Variants in PRLR observed in about 807,000 individuals in gnomAD.
PRLR encodes the protein hPRL receptor.
In PRLR, 13 loss-of-function variants were observed where a neutral mutation model predicts 40.2. The ratio of observed to expected loss-of-function variants is 0.32; its 90% CI spans 0.21 to 0.51. The LOEUF is 0.51. Ranked by LOEUF, PRLR falls within the 20% of genes least tolerant of loss-of-function variation. The pLI, the probability that PRLR is intolerant of heterozygous loss-of-function variation, is 0.97. For missense variants in PRLR, 656 were observed against 747.3 expected, an observed-to-expected ratio of 0.88 and a Z score of 1.42; for synonymous variants, 269 against 278.7, an observed-to-expected ratio of 0.97 and a Z score of 0.35.
At chr5:35,182,061 T>G (rs935683815) in intron 1 of PRLR, among the ~76,000 whole-genome samples, 3 of 152,166 alleles carry the variant, frequency 2.0e-5, no homozygotes, top group African/African-American at 4.8e-5. Context: ...CACGGTCTCA[T>G]GACAAACAAG....
At position 35,068,877 on chromosome 5, in the gene PRLR, G is replaced by A; in HGVS notation, c.687C>T (p.Asp229=). 1 of 1,607,480 alleles carries A rather than the reference G, an allele frequency of 6.2e-7. No individual in the cohort carries two copies. The highest frequency in any genetic ancestry group is 1.1e-5 in the South Asian group (1 of 90,886). Residue 229 remains aspartate (D), a splice_region_variant and synonymous_variant, in exon 8 of 10, where the codon GAC becomes GAT. Transcript: ENST00000618457. ...SPATFIQIPS[D]FTMNDTTVWI... is the part of the protein sequence containing the mutation. ...ACACGGTTGTATCATTCATGGTGAA[G>A]TCTAAAAAACAAACAGCCAGAAAGC...
chr5:35,169,612 C>G (rs1432742470), intron 1 of PRLR, among the ~76,000 whole-genome samples: 1 of 152,200 alleles, frequency 6.6e-6, no homozygotes, highest in Non-Finnish European at 1.5e-5. Flanking sequence ...TCTTGGGAGT[C>G]TGTGTAGTCA....
chr5:35,140,868 A>T (rs1216505148), intron 1 of PRLR, among the ~76,000 whole-genome samples: 1 of 152,192 alleles, frequency 6.6e-6, no homozygotes, highest in Admixed American at 6.5e-5. Context: ...TTTCTTCTTT[A>T]TCAGTACAAC....
At chr5:35,163,382 A>AGAATGATGTGG (rs1248565609) in intron 1 of PRLR, among the ~76,000 whole-genome samples, 6 of 152,186 alleles carry the variant, frequency 3.9e-5, no homozygotes, top group African/African-American at 1.4e-4. Context: ...AAAGCCTGCC[A>AGAATGATGTGG]GAATGATGTG....
intron 1 of PRLR, among the ~76,000 whole-genome samples, chr5:35,202,857 A>G (rs1183508777): frequency 6.6e-6 from 1 of 152,224 alleles, no homozygotes; most frequent in Non-Finnish European, 1.5e-5. Context: ...CCATTCTTAC[A>G]TTCCTTTGAA....
At chr5:35,211,112 G>A (rs1020568732) in intron 1 of PRLR, among the ~76,000 whole-genome samples, 6 of 152,104 alleles carry the variant, frequency 3.9e-5, no homozygotes, top group East Asian at 1.9e-4. Context: ...GCTTAACTGC[G>A]GTTACAATTA....
chr5:35,119,344 C>G (rs962301628), intron 1 of PRLR, among the ~76,000 whole-genome samples: 3 of 152,008 alleles, frequency 2.0e-5, no homozygotes, highest in African/African-American at 4.8e-5. Context: ...TGTGGTTGGC[C>G]ACTAGCACCC....
chr5:35,108,837 A>T (rs1180953762), intron 2 of PRLR, among the ~76,000 whole-genome samples: 1 of 152,184 alleles, frequency 6.6e-6, no homozygotes. Context: ...GCTACCAATG[A>T]CTTTCTTCAC....
chr5:35,049,328 G>C (rs1030072247), exon 9 of PRLR: 1 of 703,246 alleles, frequency 1.4e-6, no homozygotes, highest in Admixed American at 2.0e-5. Flanking sequence ...AACACCGCAA[G>C]TCTTCCTTGA....
Position 35,140,023 on chromosome 5 carries a change from T to A in PRLR, c.-105-21901A>T, listed in dbSNP as rs79821680. 3.1e-3 allele frequency among the ~76,000 whole-genome samples: 465 copies of A among 152,304 alleles called. 2 individuals are homozygous for A. Among genetic ancestry groups the A allele is most frequent in the African/African-American group, 0.011 (452 of 41,550 alleles). ...ATTAAAAATGTAATTTTTTAAAGAA[T>A]TAGAATTAACACATGAATTTTCCAA... On this transcript the variant is annotated intron_variant, in intron 1 of 9. Transcript: ENST00000618457.
At chr5:35,077,160 A>G (rs184227736) in intron 5 of PRLR, among the ~76,000 whole-genome samples, 6,006 of 152,312 alleles carry the variant, frequency 0.039, 148 homozygotes, top group Middle Eastern at 0.11. Flanking sequence ...TAACCAGCTA[A>G]TATCATAATG....
intron 2 of PRLR, among the ~76,000 whole-genome samples, chr5:35,113,702 C>T (rs1191487684): frequency 6.6e-6 from 1 of 152,216 alleles, no homozygotes; most frequent in African/African-American, 2.4e-5. Context: ...GCTAATAAAA[C>T]AGTTCAATGT....
At chr5:35,129,723 T>C (rs1773596115) in intron 1 of PRLR, among the ~76,000 whole-genome samples, 3 of 151,996 alleles carry the variant, frequency 2.0e-5, no homozygotes, top group Admixed American at 6.6e-5. Flanking sequence ...CATTTTCTTC[T>C]TCCCTTTACT....
chr5:35,180,634 G>A (rs1409260605), intron 1 of PRLR, among the ~76,000 whole-genome samples: 7 of 151,016 alleles, frequency 4.6e-5, no homozygotes, highest in African/African-American at 7.3e-5. Context: ...TCTGCACAAC[G>A]TGCAGGTTTG....
rs1774080935 is a variant in PRLR, at chr5:35,143,466, A to T, written c.-105-25344T>A. 2.0e-5 allele frequency among the ~76,000 whole-genome samples: 3 copies of T among 152,048 alleles called. No homozygotes were observed. The South Asian group carries it at 6.2e-4, about 32-fold the overall frequency. On this transcript the variant is annotated intron_variant, in intron 1 of 9. Transcript: ENST00000618457. Reference sequence around the variant, plus strand: ...CATTCCTCCCCTATCATCATGATTGACTCCCTCTGATCACCTTATGCAAAG... The same window carrying T: ...CATTCCTCCCCTATCATCATGATTGTCTCCCTCTGATCACCTTATGCAAAG...
chr5:35,083,475 T>C (rs111601577), intron 5 of PRLR, among the ~76,000 whole-genome samples: 1,855 of 148,810 alleles, frequency 0.012, 36 homozygotes, highest in African/African-American at 0.043. Flanking sequence ...TGTGTGTGTG[T>C]GCACAGACCA....
intron 5 of PRLR, among the ~76,000 whole-genome samples, chr5:35,080,983 T>A (rs1377340838): frequency 3.0e-5 from 4 of 133,834 alleles, no homozygotes; most frequent in Admixed American, 9.0e-5. Context: ...CAGGTGGGAA[T>A]TGAACAATGA....
chr5:35,107,685 G>A (rs1223429925), intron 2 of PRLR, among the ~76,000 whole-genome samples: 7 of 152,040 alleles, frequency 4.6e-5, no homozygotes, highest in East Asian at 3.9e-4. Flanking sequence ...GGAAGAAGTC[G>A]AATCCCTGAA....
At chr5:35,193,257 ACT>A (rs745879211) in intron 1 of PRLR, among the ~76,000 whole-genome samples, 16 of 152,182 alleles carry the variant, frequency 1.1e-4, no homozygotes, top group Non-Finnish European at 2.4e-4. Flanking sequence ...TAAGCCCCAC[ACT>A]GAAAAATAGC....
Sources: allele counts gnomAD v4.1 joint callset (sites outside exome capture counted in the v4.1 genomes callset), GRCh38; gene constraint gnomAD v4.1.1; transcripts MANE v1.5; gene names NCBI Gene and HGNC (gene_info 2026-07-23, HGNC 2026-07-21).